Variants in CHD6 observed in about 807,000 individuals in gnomAD.
CHD6 encodes the protein chromodomain helicase DNA binding protein 6, also known as ATP-dependent chromatin remodeler CHD6.
CHD6 carries 50 observed loss-of-function variants against 276.9 expected under a neutral mutation model. The observed-to-expected ratio is 0.18, with a 90% CI of 0.14 to 0.23. The LOEUF (loss-of-function observed/expected upper bound fraction) is 0.23. CHD6 is among the 10% of genes least tolerant of loss of function. The pLI, the probability that CHD6 is intolerant of heterozygous loss-of-function variation, is 1.00. For synonymous variants in CHD6, 1,173 were observed against 1,229.3 expected (o/e 0.95, Z 0.96); for missense variants, 2,564 against 3,365.8 (o/e 0.76, Z 5.89).
At chr20:41,535,448 G>A (rs1970472990) in intron 2 of CHD6, among the ~76,000 whole-genome samples, 1 of 152,180 alleles carries the variant, frequency 6.6e-6, no homozygotes, top group Non-Finnish European at 1.5e-5. Flanking sequence ...CAGGAGCCTG[G>A]ATTTGAACTT....
intron 24 of CHD6, among the ~76,000 whole-genome samples, chr20:41,447,132 C>G (rs1344212116): frequency 6.6e-6 from 1 of 152,176 alleles, no homozygotes; most frequent in African/African-American, 2.4e-5. Flanking sequence ...CTATGTCCCT[C>G]TCTCTCTTAC....
chr20:41,578,703 A>G (rs1321105280), intron 1 of CHD6, among the ~76,000 whole-genome samples: 35 of 151,112 alleles, frequency 2.3e-4, no homozygotes, highest in East Asian at 7.8e-4. Context: ...AAAAAAAAAA[A>G]AAAGAAAGAA....
intron 11 of CHD6, among the ~76,000 whole-genome samples, chr20:41,490,278 C>T (rs942037575): frequency 1.3e-5 from 2 of 152,192 alleles, no homozygotes; most frequent in African/African-American, 2.4e-5. Context: ...AAACGCATCA[C>T]TGCGTGACTG....
chr20:41,594,730 C>T (rs1191321109), intron 1 of CHD6, among the ~76,000 whole-genome samples: 1 of 152,140 alleles, frequency 6.6e-6, no homozygotes, highest in Non-Finnish European at 1.5e-5. Flanking sequence ...ACAACCCTTC[C>T]CAACTAGTTG....
chr20:41,458,244 T>G (rs952096715), intron 17 of CHD6, among the ~76,000 whole-genome samples: 2 of 152,236 alleles, frequency 1.3e-5, no homozygotes, highest in Non-Finnish European at 2.9e-5. Context: ...ACAGTTCATA[T>G]AGGAGGGACA....
chr20:41,517,342 C>A (rs753512707), intron 3 of CHD6, among the ~76,000 whole-genome samples: 1 of 151,982 alleles, frequency 6.6e-6, no homozygotes, highest in Non-Finnish European at 1.5e-5. Flanking sequence ...AGGCTTAATA[C>A]CTGGGGGATG....
At chr20:41,422,468 AC>A (rs893045655) in intron 30 of CHD6, among the ~76,000 whole-genome samples, 8 of 151,704 alleles carry the variant, frequency 5.3e-5, no homozygotes, top group African/African-American at 1.9e-4. Context: ...GTGAGACCCC[AC>A]CCCCCATGTC....
chr20:41,582,817 T>C (rs564200088), intron 1 of CHD6, among the ~76,000 whole-genome samples: 1 of 152,322 alleles, frequency 6.6e-6, no homozygotes, highest in South Asian at 2.1e-4. Flanking sequence ...GGAAATGGTA[T>C]AATTTTTTTA....
chr20:41,591,379 TACACAC>T (rs201725894), intron 1 of CHD6, among the ~76,000 whole-genome samples: 17,883 of 144,018 alleles, frequency 0.12, 2,268 homozygotes, highest in East Asian at 0.31. Flanking sequence ...TATATATATA[TACACAC>T]ACACACACAC....
intron 5 of CHD6, among the ~76,000 whole-genome samples, chr20:41,501,030 C>T (rs1170884449): frequency 6.6e-6 from 1 of 152,200 alleles, no homozygotes; most frequent in Non-Finnish European, 1.5e-5. Flanking sequence ...ACCACTACCA[C>T]TGATCTTGCA....
Position 41,420,811 on chromosome 20 carries a change from G to A in CHD6, c.5824C>T (p.His1942Tyr). ...AGGCCATGCATCCACCTCTCCATGT[G>A]TTTGCAGTGGCACTGACAGGCTGCT... ...APAACQCHCK[H>Y]MERWMHGLEN... The change falls in exon 31 of 37, where the codon CAC becomes TAC. Residue 1942 changes from histidine (H) to tyrosine (Y), a missense_variant. This residue lies in a region of CHD6 where 1,024 missense variants were observed against 1,047.9 expected (regional missense o/e 0.98). Coordinates refer to ENST00000373233, the MANE Select transcript of CHD6 (RefSeq NM_032221.5). The A allele has an allele frequency of 6.2e-7, 1 of 1,614,194 alleles. No homozygotes were observed. Among genetic ancestry groups the A allele is most frequent in the Non-Finnish European group, 8.5e-7 (1 of 1,180,038 alleles).
chr20:41,579,963 T>C (rs1160659260), intron 1 of CHD6, among the ~76,000 whole-genome samples: 1 of 152,214 alleles, frequency 6.6e-6, no homozygotes, highest in African/African-American at 2.4e-5. Context: ...TTTACAGCAA[T>C]CTCTTCTCCA....
At chr20:41,437,774 A>G (rs1003000864) in intron 26 of CHD6, among the ~76,000 whole-genome samples, 1 of 152,192 alleles carries the variant, frequency 6.6e-6, no homozygotes, top group Non-Finnish European at 1.5e-5. Flanking sequence ...GCATCCACAG[A>G]CAAGGAGGGC....
At chr20:41,537,622 T>C (rs145028481) in intron 2 of CHD6, among the ~76,000 whole-genome samples, 1 of 152,214 alleles carries the variant, frequency 6.6e-6, no homozygotes, top group African/African-American at 2.4e-5. Context: ...GTCTAGAATA[T>C]ATAAAGAATT....
intron 29 of CHD6, 62 bp downstream of exon 29, chr20:41,425,116 T>C: frequency 7.4e-7 from 1 of 1,352,562 alleles, no homozygotes; most frequent in South Asian, 1.2e-5. Flanking sequence ...CTACCGGCTT[T>C]ACCTTTTGAA....
At chr20:41,439,714 A>ATTAGAAAG in intron 26 of CHD6, among the ~76,000 whole-genome samples, 1 of 152,334 alleles carries the variant, frequency 6.6e-6, no homozygotes, top group Non-Finnish European at 1.5e-5. Context: ...CAAGGGATGG[A>ATTAGAAAG]CATGGTTAGA....
Position 41,403,694 on chromosome 20 carries a change from C to T in CHD6, c.*899G>A. 9.4e-7 allele frequency: 1 copy of T among 1,058,472 alleles called. No individual in the cohort carries two copies. Among genetic ancestry groups the T allele is most frequent in the Non-Finnish European group, 1.1e-6 (1 of 875,072 alleles). The allele number at this position is 1,058,472 out of a possible 1,614,324, so 65.6% of individuals were successfully genotyped here. On this transcript the variant is annotated 3_prime_UTR_variant, in exon 37 of 37. Transcript: ENST00000373233. ...GTGAAGGAAAGCCTGAAGTGAAAAT[C>T]CATTCGGTCCTGGTGCTCTTTAAAC...
At chr20:41,611,964 A>C (rs979025962) in intron 1 of CHD6, among the ~76,000 whole-genome samples, 1 of 152,164 alleles carries the variant, frequency 6.6e-6, no homozygotes, top group Non-Finnish European at 1.5e-5. Context: ...CATGCTCCAA[A>C]GTAATGCTGA....
chr20:41,406,254 G>A (rs1161009880), intron 36 of CHD6, among the ~76,000 whole-genome samples: 1 of 152,208 alleles, frequency 6.6e-6, no homozygotes, highest in Non-Finnish European at 1.5e-5. Flanking sequence ...CTCCCTAAGG[G>A]AGACCATCTA....
Sources: allele counts gnomAD v4.1 joint callset (sites outside exome capture counted in the v4.1 genomes callset), GRCh38; gene constraint gnomAD v4.1.1; regional missense constraint gnomAD v4.1.1; transcripts MANE v1.5; gene names NCBI Gene and HGNC (gene_info 2026-07-23, HGNC 2026-07-21).